TRMU: variants seen among roughly 807,000 people sequenced by gnomAD.
TRMU encodes mitochondrial tRNA-specific 2-thiouridylase 1.
TRMU carries 49 observed loss-of-function variants against 46.9 expected under a neutral mutation model. That is an observed-to-expected ratio of 1.05 (90% CI 0.83 to 1.33). The LOEUF is 1.33. TRMU is among the 40% of genes most tolerant of loss of function. TRMU has a pLI of 0.00. For synonymous variants in TRMU, 241 were observed against 200.9 expected (o/e 1.20, Z -1.69); for missense variants, 572 against 532.4 (o/e 1.07, Z -0.73).
At position 46,339,346 on chromosome 22, in the gene TRMU, C is replaced by T. The variant is rs373551023; in HGVS notation, c.248+1402C>T. ...TGTATTTTTAGTAGAGACAGGGTTT[C>T]GCCATGTTGGCCGGGCTAGTCTCAG... On this transcript the variant is annotated intron_variant, in intron 2 of 10. Transcript: ENST00000645190. The surrounding 1 kb of genome is among the most constrained non-coding windows in gnomAD (Gnocchi z 4.8). Among the ~76,000 whole-genome samples the T allele has an allele frequency of 3.9e-5, 6 of 152,282 alleles. No individual in the cohort carries two copies. Among genetic ancestry groups the T allele is most frequent in the South Asian group, 4.1e-4 (2 of 4,820 alleles).
Position 46,343,283 on chromosome 22 carries a change from A to G in TRMU, c.270A>G (p.Glu90=), listed in dbSNP as rs2147868614. 1 of 1,613,888 alleles carries G rather than the reference A, an allele frequency of 6.2e-7. No individual in the cohort carries two copies. The highest frequency in any genetic ancestry group is 2.2e-5 in the East Asian group (1 of 44,886). Residue 90 remains glutamate, a synonymous_variant, in exon 3 of 11, where the codon GAA becomes GAG. Coordinates refer to ENST00000645190, the MANE Select transcript of TRMU (RefSeq NM_018006.5). ...DVFSDFLNEY[E]KGRTPNPDIV... is the part of the protein sequence containing the mutation. ...CTAGTGACTTTTTGAATGAGTATGA[A>G]AAAGGAAGGACTCCCAATCCTGACA...
chr22:46,351,693 A>T lies in TRMU; in HGVS notation c.652-428A>T, dbSNP rs571061149. ...CACCCAGGCTCCCCAGCTAGGGCAGATGTGCTTGAGGAAGGCGCCTCTCTC... is the reference window on the plus strand; with the variant it reads ...CACCCAGGCTCCCCAGCTAGGGCAGTTGTGCTTGAGGAAGGCGCCTCTCTC... On this transcript the variant is annotated intron_variant, in intron 5 of 10. Coordinates refer to ENST00000645190, the MANE Select transcript of TRMU (RefSeq NM_018006.5). This position sits in a 1 kb window ranked among gnomAD's most constrained non-coding sequence, Gnocchi z 6.4. 8.2e-5 allele frequency: 26 copies of T among 316,222 alleles called. No homozygotes were observed. The highest frequency in any genetic ancestry group is 5.2e-4 in the African/African-American group (24 of 46,550). The allele number at this position is 316,222 out of a possible 1,614,324, so 19.6% of individuals were successfully genotyped here. A position where few individuals can be genotyped will look rare whatever the true frequency, so the allele number is the denominator to read the frequency against.
At position 46,353,757 on chromosome 22, in the gene TRMU, C is replaced by G. The variant is rs751160288; in HGVS notation, c.773-10C>G. The stretch of plus-strand genomic sequence containing the variant: ...TTGCCCAGCCTCATGGAGAAACTGT[C>G]TTTCTGTAGGTTGGTTCCTGTATAC... On this transcript the variant is annotated splice_polypyrimidine_tract_variant and intron_variant, in intron 7 of 10. Coordinates refer to ENST00000645190, the MANE Select transcript of TRMU (RefSeq NM_018006.5). 2 of 1,613,030 alleles carry G rather than the reference C, an allele frequency of 1.2e-6. No homozygotes were observed. The highest frequency in any genetic ancestry group is 2.2e-5 in the South Asian group (2 of 90,972).
At chr22:46,356,457 A>ATCTC in intron 10 of TRMU, 1 of 406,530 alleles carries the variant, frequency 2.5e-6, no homozygotes. Context: ...GGCCTGAGGA[A>ATCTC]TCTCCAGGGG....
chr22:46,351,474 T>C lies in TRMU; in HGVS notation c.652-647T>C, dbSNP rs948234536. Reference sequence around the variant, plus strand: ...GCTCCTTCGTGTCTCTTCCTGGTAATGGAAACGGCCATACCTTTCATCAGA... The same window carrying C: ...GCTCCTTCGTGTCTCTTCCTGGTAACGGAAACGGCCATACCTTTCATCAGA... On this transcript the variant is annotated intron_variant, in intron 5 of 10. Coordinates refer to ENST00000645190, the MANE Select transcript of TRMU (RefSeq NM_018006.5). The surrounding 1 kb of genome is among the most constrained non-coding windows in gnomAD (Gnocchi z 6.4). Among the ~76,000 whole-genome samples, 11 of 152,114 alleles carry C rather than the reference T, an allele frequency of 7.2e-5. No homozygotes were observed. Among genetic ancestry groups the C allele is most frequent in the African/African-American group, 2.4e-4 (10 of 41,402 alleles).
At position 46,348,442 on chromosome 22, in the gene TRMU, G is replaced by T. The variant is rs2078316672; in HGVS notation, c.479-1849G>T. ...CATTTCATTCTTCTTCAGTTGCCCTGGCCCAGCCTGGGTCTCTGGGTAGAG... is the reference window on the plus strand; with the variant it reads ...CATTTCATTCTTCTTCAGTTGCCCTTGCCCAGCCTGGGTCTCTGGGTAGAG... On this transcript the variant is annotated intron_variant, in intron 4 of 10. Transcript: ENST00000645190. This position sits in a 1 kb window ranked among gnomAD's most constrained non-coding sequence, Gnocchi z 4.8. Among the ~76,000 whole-genome samples, 2 of 152,202 alleles carry T rather than the reference G, an allele frequency of 1.3e-5. No homozygotes were observed. The highest frequency in any genetic ancestry group is 4.8e-5 in the African/African-American group (2 of 41,440).
chr22:46,355,661 A>C, intron 9 of TRMU, 73 bp downstream of exon 9: 1 of 1,607,058 alleles, frequency 6.2e-7, no homozygotes, highest in Non-Finnish European at 8.5e-7. Context: ...TGGGCCAGGG[A>C]TGGGAGACCC....
chr22:46,351,036 G>A lies in TRMU; in HGVS notation c.651+573G>A, dbSNP rs1453811386. Among the ~76,000 whole-genome samples the A allele has an allele frequency of 6.6e-6, 1 of 152,226 alleles. No individual in the cohort carries two copies. The highest frequency in any genetic ancestry group is 1.5e-5 in the Non-Finnish European group (1 of 68,038). ...AAAATGTCTACGGAGGGAGGTGTAG[G>A]ACCCTGGGTGGGAAGCACCAGTGGG... On this transcript the variant is annotated intron_variant, in intron 5 of 10. Coordinates refer to ENST00000645190, the MANE Select transcript of TRMU (RefSeq NM_018006.5). The surrounding 1 kb of genome is among the most constrained non-coding windows in gnomAD (Gnocchi z 6.4).
At position 46,348,401 on chromosome 22, in the gene TRMU, G is replaced by C. The variant is rs751085737; in HGVS notation, c.478+1857G>C. ...GTCTTGGCCTTCACTGGGTTTTGTA[G>C]GCACACTAAGGTTTCCATTTCATTC... On this transcript the variant is annotated intron_variant, in intron 4 of 10. Coordinates refer to ENST00000645190, the MANE Select transcript of TRMU (RefSeq NM_018006.5). This position sits in a 1 kb window ranked among gnomAD's most constrained non-coding sequence, Gnocchi z 4.8. Among the ~76,000 whole-genome samples the C allele has an allele frequency of 1.3e-5, 2 of 152,208 alleles. No individual in the cohort carries two copies. The highest frequency in any genetic ancestry group is 2.9e-5 in the Non-Finnish European group (2 of 68,048).
At chr22:46,356,609 C>T (rs1248067140) in intron 10 of TRMU, 8 of 574,486 alleles carry the variant, frequency 1.4e-5, no homozygotes, top group Non-Finnish European at 2.5e-5. Flanking sequence ...GCCCCTGTGA[C>T]TGTCCCACTC....
chr22:46,356,024 C>T lies in TRMU; in HGVS notation c.1053C>T (p.Thr351=), dbSNP rs374614222. The T allele has an allele frequency of 6.8e-5, 109 of 1,613,862 alleles. No homozygotes were observed. Among genetic ancestry groups the T allele is most frequent in the Non-Finnish European group, 8.1e-5 (95 of 1,180,006 alleles). The change falls in exon 10 of 11, where the codon ACC becomes ACT. Residue 351 remains threonine (T), a synonymous_variant. Transcript: ENST00000645190. ...PCVLTLNQDG[T]VWVTAVQAVR... is the part of the protein sequence containing the mutation. The stretch of plus-strand genomic sequence containing the variant: ...TGCTGACCCTCAATCAAGATGGCAC[C>T]GTGTGGGTGACAGCTGTGCAGGCTG...
rs1405845293 is a variant in TRMU at position 46,356,001 on chromosome 22, C to A, written c.1030C>A (p.Leu344Met). Reference sequence around the variant, plus strand: ...TCTCTTCTACCCAGTGCCCTGTGTGCTGACCCTCAATCAAGATGGCACCGT... The same window carrying A: ...TCTCTTCTACCCAGTGCCCTGTGTGATGACCCTCAATCAAGATGGCACCGT... ...RHQMALVPCVLTLNQDGTVWV... is the reference protein window; with the variant it reads ...RHQMALVPCVMTLNQDGTVWV... Residue 344 changes from leucine (L) to methionine (M), a missense_variant, in exon 10 of 11, where the codon CTG becomes ATG. Transcript: ENST00000645190. The A allele has an allele frequency of 6.2e-7, 1 of 1,613,882 alleles. No individual in the cohort carries two copies. Among genetic ancestry groups the A allele is most frequent in the Non-Finnish European group, 8.5e-7 (1 of 1,180,002 alleles).
At chr22:46,356,414 A>C in intron 10 of TRMU, 2 of 431,972 alleles carry the variant, frequency 4.6e-6, no homozygotes, top group Non-Finnish European at 4.3e-6. Flanking sequence ...CCGAGTGTGC[A>C]GGAGCTCCCA....
At position 46,348,224 on chromosome 22, in the gene TRMU, G is replaced by C. The variant is rs2078309452; in HGVS notation, c.478+1680G>C. ...ATTTCCATGTTGAATAGATGCGCCTGCTTACCTCCTAGAACATTACCTCCT... is the reference window on the plus strand; with the variant it reads ...ATTTCCATGTTGAATAGATGCGCCTCCTTACCTCCTAGAACATTACCTCCT... On this transcript the variant is annotated intron_variant, in intron 4 of 10. Transcript: ENST00000645190. This position sits in a 1 kb window ranked among gnomAD's most constrained non-coding sequence, Gnocchi z 4.8. Among the ~76,000 whole-genome samples the C allele has an allele frequency of 6.6e-6, 1 of 152,194 alleles. No homozygotes were observed. The highest frequency in any genetic ancestry group is 1.5e-5 in the Non-Finnish European group (1 of 68,030).
rs1490350714 is a variant in TRMU, at chr22:46,351,107, G to A, written c.651+644G>A. On this transcript the variant is annotated intron_variant, in intron 5 of 10. Coordinates refer to ENST00000645190, the MANE Select transcript of TRMU (RefSeq NM_018006.5). The surrounding 1 kb of genome is among the most constrained non-coding windows in gnomAD (Gnocchi z 6.4). ...GATGCCAAAAACGGCCTCAAAAGAA[G>A]TCACATGGAACCTGAGACCTGAAGG... Among the ~76,000 whole-genome samples the A allele has an allele frequency of 6.6e-6, 1 of 152,190 alleles. No individual in the cohort carries two copies. The highest frequency in any genetic ancestry group is 2.4e-5 in the African/African-American group (1 of 41,448).
chr22:46,343,285 A>G lies in TRMU; in HGVS notation c.272A>G (p.Lys91Arg), dbSNP rs138044544. 956 of 1,613,926 alleles carry G rather than the reference A, an allele frequency of 5.9e-4. 16 individuals carry two copies. In the South Asian group the frequency reaches 9.9e-3, roughly 17 times the overall value. ...VFSDFLNEYE[K>R]GRTPNPDIVC... ...AGTGACTTTTTGAATGAGTATGAAA[A>G]AGGAAGGACTCCCAATCCTGACATA... The change falls in exon 3 of 11, where the codon AAA becomes AGA. Residue 91 changes from lysine to arginine, a missense_variant. Lys to Arg is a conservative substitution (Grantham distance 26, BLOSUM62 2). Transcript: ENST00000645190.
chr22:46,347,918 AG>A lies in TRMU; in HGVS notation c.478+1375del, dbSNP rs1353176464. Among the ~76,000 whole-genome samples, 1 of 152,140 alleles carries A rather than the reference AG, an allele frequency of 6.6e-6. No individual in the cohort carries two copies. The highest frequency in any genetic ancestry group is 2.4e-5 in the African/African-American group (1 of 41,422). The stretch of plus-strand genomic sequence containing the variant: ...GCCGTGCTTGGTCAAGGGAGCCCTG[AG>A]TGTGCCAACAGTCGTCTGCCGCCCT... On this transcript the variant is annotated intron_variant, in intron 4 of 10. Transcript: ENST00000645190. The surrounding 1 kb of genome is among the most constrained non-coding windows in gnomAD (Gnocchi z 5.0).
intron 8 of TRMU, chr22:46,354,356 C>G (rs1294326359): frequency 5.5e-6 from 1 of 182,678 alleles, no homozygotes; most frequent in African/African-American, 2.4e-5. Context: ...GCTCACCCCA[C>G]CTTCAGGGGA....
At position 46,336,174 on chromosome 22, in the gene TRMU, T is replaced by G; in HGVS notation, c.82+328T>G. ...TTCTCACGGATCTGCGGCGTCCACA[T>G]TCACCTGTGAGACCGTGGACACTGG... On this transcript the variant is annotated intron_variant, in intron 1 of 10. Coordinates refer to ENST00000645190, the MANE Select transcript of TRMU (RefSeq NM_018006.5). The surrounding 1 kb of genome is among the most constrained non-coding windows in gnomAD (Gnocchi z 4.1). 1 of 1,212,954 alleles carries G rather than the reference T, an allele frequency of 8.2e-7. No homozygotes were observed. The highest frequency in any genetic ancestry group is 1.0e-6 in the Non-Finnish European group (1 of 964,922). 75.1% of individuals were successfully genotyped at this position (1,212,954 alleles called of 1,614,324 possible). A position where few individuals can be genotyped will look rare whatever the true frequency, so the allele number is the denominator to read the frequency against.
Sources: gnomAD v4.1 joint callset for allele counts (sites outside exome capture counted in the v4.1 genomes callset) on GRCh38, gnomAD v4.1.1 for gene constraint, Gnocchi (gnomAD v3.1) non-coding constraint, MANE v1.5 for transcripts, NCBI Gene and HGNC (gene_info 2026-07-23, HGNC 2026-07-21) for gene names.